Variants in ZNF302 observed in about 807,000 individuals in gnomAD.
ZNF302 encodes the protein zinc finger protein 302, also known as zinc finger protein 327.
ZNF302 carries 12 observed loss-of-function variants against 10.8 expected under a neutral mutation model. The observed-to-expected ratio is 1.11, with a 90% confidence interval of 0.71 to 1.79. The LOEUF (loss-of-function observed/expected upper bound fraction) is 1.79, where lower values mean the gene tolerates loss of function less well. ZNF302 is among the 40% of genes most tolerant of loss of function. The pLI is 0.00. For missense variants in ZNF302, 461 were observed against 471.1 expected (o/e 0.98, Z 0.20); for synonymous variants, 178 against 157.5 (o/e 1.13, Z -0.98).
chr19:34,683,176 A>G lies in ZNF302; in HGVS notation c.152A>G (p.Tyr51Cys), dbSNP rs751197464. The G allele has an allele frequency of 3.1e-6, 5 of 1,614,008 alleles. No homozygotes were observed. In the East Asian group the frequency reaches 8.9e-5, roughly 29 times the overall value. The change falls in exon 4 of 5, where the codon TAT becomes TGT. Residue 51 changes from tyrosine (Y) to cysteine (C), a missense_variant. Physicochemically the swap from Tyr to Cys is radical, Grantham distance 194. Coordinates refer to ENST00000505242, the MANE Select transcript of ZNF302 (RefSeq NM_001289187.2). ...GCAGGTCTTTCCGTAACTAAGCCAT[A>G]TGTGATCATGTTATTGGAGGATGGA... ...VSVGLSVTKPYVIMLLEDGKE... is the reference protein window; with the variant it reads ...VSVGLSVTKPCVIMLLEDGKE...
At position 34,678,691 on chromosome 19, in the gene ZNF302, G is replaced by A. The variant is rs956487574; in HGVS notation, c.-68-46G>A. On this transcript the variant is annotated intron_variant, in intron 1 of 4. Transcript: ENST00000505242. Reference sequence around the variant, plus strand: ...GTGTGTGACAGGTGCCGCAAGATAAGCCCGATTTTTCATGACTGCTTTTTC... The same window carrying A: ...GTGTGTGACAGGTGCCGCAAGATAAACCCGATTTTTCATGACTGCTTTTTC... 2.5e-6 allele frequency: 3 copies of A among 1,223,086 alleles called. No individual in the cohort carries two copies. The African/African-American group carries it at 4.5e-5, about 18-fold the overall frequency. The allele number at this position is 1,223,086 out of a possible 1,614,324, so 75.8% of individuals were successfully genotyped here.
At position 34,683,103 on chromosome 19, in the gene ZNF302, C is replaced by T. The variant is rs188349135; in HGVS notation, c.131-52C>T. ...CCTGTGGTCCCTCTTGTGATGGCCT[C>T]TCATAATAGAGGACCACAGCTTAAA... On this transcript the variant is annotated intron_variant, in intron 3 of 4. Transcript: ENST00000505242. 88 of 1,611,102 alleles carry T rather than the reference C, an allele frequency of 5.5e-5. No homozygotes were observed. In the East Asian group the frequency reaches 1.9e-3, roughly 35 times the overall value.
intron 2 of ZNF302, among the ~76,000 whole-genome samples, chr19:34,679,517 G>A (rs2068221655): frequency 6.6e-6 from 1 of 152,080 alleles, no homozygotes; most frequent in African/African-American, 2.4e-5. Context: ...CCTCATTCCT[G>A]TGCGCTCCAG....
At chr19:34,683,463 CATA>C (rs2068466898) in intron 4 of ZNF302, among the ~76,000 whole-genome samples, 1 of 152,114 alleles carries the variant, frequency 6.6e-6, no homozygotes, top group South Asian at 2.1e-4. Context: ...TTTTTGCCAT[CATA>C]ATAATTCAAA....
At position 34,684,591 on chromosome 19, in the gene ZNF302, A is replaced by G. The variant is rs761418644; in HGVS notation, c.554A>G (p.Gln185Arg). The change falls in exon 5 of 5, where the codon CAG becomes CGG. Residue 185 changes from glutamine to arginine, a missense_variant. Coordinates refer to ENST00000505242, the MANE Select transcript of ZNF302 (RefSeq NM_001289187.2). ...NSNKSGAAFN[Q>R]SKSLTLPQTC... ...AATAAAAGTGGGGCAGCCTTCAACC[A>G]GAGCAAATCTCTTACCCTTCCCCAG... 1.2e-6 allele frequency: 2 copies of G among 1,614,118 alleles called. No individual in the cohort carries two copies. Among genetic ancestry groups the G allele is most frequent in the Non-Finnish European group, 1.7e-6 (2 of 1,179,934 alleles).
chr19:34,678,267 A>G lies in ZNF302; in HGVS notation c.-69+164A>G, dbSNP rs529231208. Among the ~76,000 whole-genome samples the G allele has an allele frequency of 1.1e-4, 16 of 148,426 alleles. 1 individual carries two copies. In the East Asian group the frequency reaches 2.5e-3, roughly 23 times the overall value. On this transcript the variant is annotated intron_variant, in intron 1 of 4. Transcript: ENST00000505242. ...AACATGGCGAAACGCCGTCTCTACT[A>G]AAAATACAAAAAAAAATTAGCTGGG...
In ZNF302 at chr19:34,684,298, T is replaced by A. The variant is rs748624312; in HGVS notation, c.261T>A (p.Asp87Glu). The change falls in exon 5 of 5, where the codon GAT becomes GAA. Residue 87 changes from aspartate to glutamate, a missense_variant. By Grantham distance (45) the Asp-to-Glu change is conservative. Transcript: ENST00000505242. Reference sequence around the variant, plus strand: ...ACAAGGAATTATCAACAAAGAAGGATATTTATGATGAAGATTCACCCCAAC... The same window carrying A: ...ACAAGGAATTATCAACAAAGAAGGAAATTTATGATGAAGATTCACCCCAAC... Reference protein sequence around the residue: ...WENKELSTKKDIYDEDSPQPV... With the variant: ...WENKELSTKKEIYDEDSPQPV... 84 of 1,573,350 alleles carry A rather than the reference T, an allele frequency of 5.3e-5. No individual in the cohort carries two copies. Among genetic ancestry groups the A allele is most frequent in the Non-Finnish European group, 1.0e-5 (12 of 1,167,580 alleles).
chr19:34,684,782 A>G lies in ZNF302; in HGVS notation c.745A>G (p.Ile249Val). The change falls in exon 5 of 5, where the codon ATA (isoleucine) becomes GTA (valine). Residue 249 changes from isoleucine (I) to valine (V), a missense_variant. Physicochemically the swap from Ile to Val is conservative, Grantham distance 29. Coordinates refer to ENST00000505242, the MANE Select transcript of ZNF302 (RefSeq NM_001289187.2). ...TGGTTCATCCCTTACACGACATCAGATAAGCCATAGTGGAGAGAAACCTTA... is the reference window on the plus strand; with the variant it reads ...TGGTTCATCCCTTACACGACATCAGGTAAGCCATAGTGGAGAGAAACCTTA... ...SHGSSLTRHQISHSGEKPYKC... is the reference protein window; with the variant it reads ...SHGSSLTRHQVSHSGEKPYKC... 4 of 1,614,044 alleles carry G rather than the reference A, an allele frequency of 2.5e-6. No individual in the cohort carries two copies. The highest frequency in any genetic ancestry group is 1.1e-5 in the South Asian group (1 of 91,084).
intron 3 of ZNF302, 71 bp from the exon 4 acceptor site, chr19:34,683,084 G>A: frequency 6.2e-7 from 1 of 1,602,052 alleles, no homozygotes; most frequent in East Asian, 2.2e-5. Flanking sequence ...CATTCCTGTG[G>A]TCCCTCTTGT....
rs1414872834 is a variant in ZNF302 at position 34,682,763 on chromosome 19, A to G, written c.10-14A>G. The G allele has an allele frequency of 2.5e-6, 4 of 1,612,916 alleles. No individual in the cohort carries two copies. The highest frequency in any genetic ancestry group is 2.2e-5 in the East Asian group (1 of 44,870). On this transcript the variant is annotated splice_polypyrimidine_tract_variant and intron_variant, in intron 2 of 4. Coordinates refer to ENST00000505242, the MANE Select transcript of ZNF302 (RefSeq NM_001289187.2). Reference sequence around the variant, plus strand: ...CTGGGCTATGGCTGAGCCTAAATATATTTGCTATTTCAGGTGACATTTAGT... The same window carrying G: ...CTGGGCTATGGCTGAGCCTAAATATGTTTGCTATTTCAGGTGACATTTAGT...
intron 4 of ZNF302, 53 bp from the exon 5 acceptor site, chr19:34,684,199 A>G: frequency 1.6e-6 from 2 of 1,282,322 alleles, no homozygotes; most frequent in Non-Finnish European, 2.0e-6. Context: ...AAAAAAAAAA[A>G]AAAAAAAAAA....
intron 2 of ZNF302, among the ~76,000 whole-genome samples, chr19:34,680,535 T>C (rs1600094347): frequency 6.6e-6 from 1 of 152,338 alleles, no homozygotes; most frequent in East Asian, 1.9e-4. Flanking sequence ...GGCTCCTGTA[T>C]TGAAGATTGT....
intron 4 of ZNF302, among the ~76,000 whole-genome samples, chr19:34,683,833 T>G (rs1279746017): frequency 6.6e-6 from 1 of 152,074 alleles, no homozygotes; most frequent in East Asian, 1.9e-4. Flanking sequence ...AGCAGCAAAT[T>G]GAGATTAATG....
In ZNF302 at chr19:34,684,171, T is replaced by TAAAAAAA. The variant is rs746866893; in HGVS notation, c.215-38_215-32dup. 1.0e-5 allele frequency: 9 copies of TAAAAAAA among 878,140 alleles called. No homozygotes were observed. In the East Asian group the frequency reaches 1.9e-4, roughly 19 times the overall value. The allele number at this position is 878,140 out of a possible 1,614,324, so 54.4% of individuals were successfully genotyped here. On this transcript the variant is annotated intron_variant, in intron 4 of 4. Coordinates refer to ENST00000505242, the MANE Select transcript of ZNF302 (RefSeq NM_001289187.2). ...CACTGTAGAAGCTTTTTTCAAGAAG[T>TAAAAAAA]AAAAAAAAAAAAAAAAAAAAAAAAA...
At position 34,678,705 on chromosome 19, in the gene ZNF302, GAC is replaced by G. The variant is rs2068150431; in HGVS notation, c.-68-31_-68-30del. ...CCGCAAGATAAGCCCGATTTTTCATGACTGCTTTTTCCTGCCTTTCTGTGCCC... is the reference window on the plus strand; with the variant it reads ...CCGCAAGATAAGCCCGATTTTTCATGTGCTTTTTCCTGCCTTTCTGTGCCC... On this transcript the variant is annotated intron_variant, in intron 1 of 4. Coordinates refer to ENST00000505242, the MANE Select transcript of ZNF302 (RefSeq NM_001289187.2). The G allele has an allele frequency of 4.9e-6, 7 of 1,429,546 alleles. No homozygotes were observed. In the Admixed American group the frequency reaches 9.0e-5, roughly 18 times the overall value. The allele number at this position is 1,429,546 out of a possible 1,614,324, so 88.6% of individuals were successfully genotyped here. A position where few individuals can be genotyped will look rare whatever the true frequency, so the allele number is the denominator to read the frequency against.
intron 1 of ZNF302, among the ~76,000 whole-genome samples, chr19:34,678,431 C>CA (rs11441977): frequency 0.5 from 57,512 of 115,160 alleles, 14,982 homozygotes; most frequent in African/African-American, 0.59. Context: ...GACTCCGTCT[C>CA]AAAAAAAAAA....
Position 34,684,971 on chromosome 19 carries a change from C to A in ZNF302, c.934C>A (p.Arg312Ser), listed in dbSNP as rs1265962129. ...QHLRIHTQEK[R>S]YECRICGKAF... ...TCTAAGAATTCATACGCAAGAAAAA[C>A]GCTATGAGTGTCGTATATGTGGAAA... Residue 312 changes from arginine (R) to serine (S), a missense_variant, in exon 5 of 5, where the codon CGC becomes AGC. By Grantham distance (110) the Arg-to-Ser change is moderately radical. Coordinates refer to ENST00000505242, the MANE Select transcript of ZNF302 (RefSeq NM_001289187.2). The A allele has an allele frequency of 5.0e-6, 8 of 1,614,012 alleles. No individual in the cohort carries two copies.
chr19:34,682,755 C>T, intron 2 of ZNF302, 22 bp from the exon 3 acceptor site: 1 of 1,613,076 alleles, frequency 6.2e-7, no homozygotes. Flanking sequence ...ATGGCTGAGC[C>T]TAAATATATT....
chr19:34,685,593 A>C lies in ZNF302; in HGVS notation c.*356A>C. 7.7e-7 allele frequency: 1 copy of C among 1,292,672 alleles called. No individual in the cohort carries two copies. The highest frequency in any genetic ancestry group is 1.7e-5 in the Admixed American group (1 of 57,956). The allele number at this position is 1,292,672 out of a possible 1,614,324, so 80.1% of individuals were successfully genotyped here. A position where few individuals can be genotyped will look rare whatever the true frequency, so the allele number is the denominator to read the frequency against. On this transcript the variant is annotated 3_prime_UTR_variant, in exon 5 of 5. Coordinates refer to ENST00000505242, the MANE Select transcript of ZNF302 (RefSeq NM_001289187.2). ...GTGGTAAGTGTGGAAAAGCCTTTAG[A>C]TCATATGAATCCCTATACATGTGAG...
Sources: allele counts gnomAD v4.1 joint callset (sites outside exome capture counted in the v4.1 genomes callset), GRCh38; gene constraint gnomAD v4.1.1; transcripts MANE v1.5; gene names NCBI Gene and HGNC (gene_info 2026-07-23, HGNC 2026-07-21).